The following MAEL variants were observed in gnomAD, a reference collection of about 807,000 sequenced individuals.
MAEL encodes the protein maelstrom spermatogenic transposon silencer, also known as protein maelstrom homolog.
Under a neutral mutation model 62.0 loss-of-function variants are expected in MAEL, and 46 were observed. The ratio of observed to expected loss-of-function variants is 0.74; its 90% CI spans 0.59 to 0.95. The LOEUF (loss-of-function observed/expected upper bound fraction) is 0.95, where lower values mean the gene tolerates loss of function less well. MAEL is among the 40% of genes least tolerant of loss of function. The probability of loss-of-function intolerance (pLI) is 0.00; values close to 1 mark genes in which losing one functional copy is unlikely to be tolerated. For missense variants in MAEL, 497 were observed against 526.8 expected (o/e 0.94, Z 0.55); for synonymous variants, 172 against 175.5 (o/e 0.98, Z 0.16).
intron 8 of MAEL, among the ~76,000 whole-genome samples, chr1:167,015,218 A>AT (rs1284728176): frequency 1.3e-5 from 2 of 151,978 alleles, no homozygotes; most frequent in Non-Finnish European, 2.9e-5. Context: ...CTTAATTTTT[A>AT]TTTTTTGCCG....
chr1:167,021,587 TGA>T (rs1665630905), intron 11 of MAEL, 79 bp from the exon 12 acceptor site: 1 of 955,316 alleles, frequency 1.0e-6, no homozygotes, highest in African/African-American at 1.7e-5. Flanking sequence ...TACAGTAGGA[TGA>T]GTCAGTTAAT....
intron 2 of MAEL, 105 bp from the exon 3 acceptor site, chr1:166,991,273 T>C (rs1425630746): frequency 2.8e-6 from 2 of 707,122 alleles, no homozygotes; most frequent in African/African-American, 3.5e-5. Context: ...TTCATTGACC[T>C]TGGTAATCTA....
intron 5 of MAEL, 63 bp from the exon 6 acceptor site, chr1:167,004,117 T>G: frequency 6.8e-7 from 1 of 1,466,126 alleles, no homozygotes; most frequent in Admixed American, 1.9e-5. Flanking sequence ...CCCCCACTTC[T>G]ATACCTACCC....
intron 8 of MAEL, among the ~76,000 whole-genome samples, chr1:167,014,740 C>T (rs2102124469): frequency 6.6e-6 from 1 of 152,228 alleles, no homozygotes; most frequent in Non-Finnish European, 1.5e-5. Flanking sequence ...AAATGAAAGC[C>T]TGCCAGGCGC....
upstream of MAEL, chr1:166,989,091 C>A: frequency 2.1e-6 from 1 of 476,778 alleles, no homozygotes; most frequent in Non-Finnish European, 3.8e-6. Flanking sequence ...CCTCCGCCTG[C>A]CACGCACCCA....
intron 1 of MAEL, among the ~76,000 whole-genome samples, chr1:166,982,955 C>T (rs547596242): frequency 9.8e-5 from 15 of 152,318 alleles, no homozygotes; most frequent in African/African-American, 3.4e-4. Context: ...TCCTTCTAGT[C>T]GTTGCTCAAA....
intron 8 of MAEL, among the ~76,000 whole-genome samples, chr1:167,007,704 A>G (rs1157500267): frequency 6.6e-6 from 1 of 152,008 alleles, no homozygotes; most frequent in Non-Finnish European, 1.5e-5. Context: ...ATTTCAATCC[A>G]ATACCATAGA....
chr1:166,997,937 C>T (rs1664497850), intron 5 of MAEL, among the ~76,000 whole-genome samples: 1 of 152,172 alleles, frequency 6.6e-6, no homozygotes, highest in South Asian at 2.1e-4. Context: ...TTTATCACAG[C>T]ATCATTTATT....
chr1:167,010,507 A>G (rs1273663773), intron 8 of MAEL, among the ~76,000 whole-genome samples: 1 of 152,020 alleles, frequency 6.6e-6, no homozygotes, highest in African/African-American at 2.4e-5. Flanking sequence ...ATACAGTGAC[A>G]CAATCATAGC....
intron 5 of MAEL, among the ~76,000 whole-genome samples, chr1:167,001,440 C>T (rs754613060): frequency 3.9e-5 from 6 of 152,250 alleles, no homozygotes; most frequent in South Asian, 2.1e-4. Context: ...AAAGATCTTT[C>T]GCCAGCAAAA....
chr1:166,978,320 C>T (rs917058476), intron 1 of MAEL, among the ~76,000 whole-genome samples: 2 of 152,196 alleles, frequency 1.3e-5, no homozygotes, highest in Non-Finnish European at 2.9e-5. Context: ...GAGTGAATCA[C>T]AATGTGTGCC....
At chr1:166,993,820 T>C (rs905598450) in intron 4 of MAEL, among the ~76,000 whole-genome samples, 1 of 152,200 alleles carries the variant, frequency 6.6e-6, no homozygotes, top group Non-Finnish European at 1.5e-5. Context: ...GTAACTTACT[T>C]TTAAAAGTAG....
In MAEL at chr1:167,005,401, T is replaced by A. The variant is rs1486157004; in HGVS notation, c.845+4T>A. ...GGGATTATTCTAGCAACACAAGGTA[T>A]TGCTAGCATTTTTGTTTTAGAGTCA... is the stretch of plus-strand genomic sequence containing the variant. On this transcript the variant is annotated splice_donor_region_variant and intron_variant, in intron 8 of 11. Transcript: ENST00000367872. The A allele has an allele frequency of 1.9e-6, 3 of 1,585,282 alleles. No homozygotes were observed. The highest frequency in any genetic ancestry group is 2.6e-6 in the Non-Finnish European group (3 of 1,166,786).
intron 6 of MAEL, 30 bp downstream of exon 6, chr1:167,004,334 G>C: frequency 2.6e-6 from 4 of 1,556,412 alleles, no homozygotes; most frequent in Non-Finnish European, 3.5e-6. Context: ...TTCTTTTAAG[G>C]TATCAATTTA....
intron 5 of MAEL, among the ~76,000 whole-genome samples, chr1:166,998,702 T>G (rs1004394788): frequency 5.3e-5 from 8 of 152,230 alleles, no homozygotes; most frequent in African/African-American, 1.9e-4. Flanking sequence ...ACACCTTGTT[T>G]TATTGCATTT....
intron 8 of MAEL, among the ~76,000 whole-genome samples, chr1:167,014,095 A>G (rs1039706482): frequency 6.6e-6 from 1 of 152,152 alleles, no homozygotes; most frequent in Non-Finnish European, 1.5e-5. Context: ...CAGCTTCATC[A>G]GTTACCATTT....
At chr1:166,988,554 G>A (rs1230976390), upstream of MAEL, among the ~76,000 whole-genome samples, 3 of 151,896 alleles carry the variant, frequency 2.0e-5, no homozygotes, top group Admixed American at 6.6e-5. Context: ...CAACTAGCAC[G>A]ATGTAAACTA....
intron 11 of MAEL, among the ~76,000 whole-genome samples, 193 bp from the exon 12 acceptor site, chr1:167,021,475 G>C (rs1665627097): frequency 6.6e-6 from 1 of 152,146 alleles, no homozygotes. Context: ...TTAAAAGCTA[G>C]TGACATGAAA....
intron 5 of MAEL, among the ~76,000 whole-genome samples, chr1:166,996,865 C>T (rs1014074015): frequency 2.4e-4 from 36 of 152,068 alleles, no homozygotes; most frequent in African/African-American, 8.7e-4. Context: ...CTTGCTCCCT[C>T]GCCCAGGCTG....
Sources: gnomAD v4.1 joint callset for allele counts (sites outside exome capture counted in the v4.1 genomes callset) on GRCh38, gnomAD v4.1.1 for gene constraint, MANE v1.5 for transcripts, NCBI Gene and HGNC (gene_info 2026-07-23, HGNC 2026-07-21) for gene names.